The following PCDH15 variants were observed in gnomAD, a reference collection of about 807,000 sequenced individuals.
PCDH15 encodes protocadherin-15.
A neutral mutation model predicts 178.5 loss-of-function variants in PCDH15; 129 were observed. That is an observed-to-expected ratio of 0.72 (90% CI 0.63 to 0.84). The LOEUF (loss-of-function observed/expected upper bound fraction) is 0.84. PCDH15 is among the 40% of genes least tolerant of loss of function. The pLI is 0.00. For missense variants in PCDH15, 2,230 were observed against 2,099.9 expected (o/e 1.06, Z -1.21); for synonymous variants, 800 against 732.0 (o/e 1.09, Z -1.50).
Position 54,134,034 on chromosome 10 carries a change from C to CTTTATTTA in PCDH15, c.1785-1035_1785-1028dup, listed in dbSNP as rs141155149. On this transcript the variant is annotated intron_variant, in intron 14 of 37. Transcript: ENST00000644397. ...ATAATTTCTATTTGGGGATGAGAAT[C>CTTTATTTA]TTTATTTATTTATTTATTTATTTAT... 1.7e-3 allele frequency among the ~76,000 whole-genome samples: 235 copies of CTTTATTTA among 134,408 alleles called. 13 individuals are homozygous for CTTTATTTA. The highest frequency in any genetic ancestry group is 5.3e-3 in the African/African-American group (208 of 38,988). 88.2% of individuals were successfully genotyped at this position (134,408 alleles called of 152,430 possible).
At chr10:54,707,280 A>G (rs1369974186) in intron 1 of PCDH15, among the ~76,000 whole-genome samples, 1 of 152,202 alleles carries the variant, frequency 6.6e-6, no homozygotes, top group Non-Finnish European at 1.5e-5. Flanking sequence ...TTCTTAGGAA[A>G]AATGAGTAGT....
intron 14 of PCDH15, among the ~76,000 whole-genome samples, chr10:54,151,445 G>A (rs906761834): frequency 6.6e-6 from 1 of 152,092 alleles, no homozygotes; most frequent in African/African-American, 2.4e-5. Context: ...TGAGGCTGAG[G>A]TGGGCAGATT....
chr10:55,343,086 G>C (rs1348551979), intron 2 of PCDH15, among the ~76,000 whole-genome samples: 1 of 152,164 alleles, frequency 6.6e-6, no homozygotes, highest in Non-Finnish European at 1.5e-5. Context: ...ACCTGACAAA[G>C]TATCTTCCTG....
At chr10:55,239,125 C>T (rs1200391534) in intron 1 of PCDH15, among the ~76,000 whole-genome samples, 1 of 152,034 alleles carries the variant, frequency 6.6e-6, no homozygotes, top group Non-Finnish European at 1.5e-5. Context: ...TGTCTTTCGG[C>T]TTGTGCTTGG....
intron 21 of PCDH15, among the ~76,000 whole-genome samples, chr10:53,990,984 C>T (rs911399911): frequency 1.3e-5 from 2 of 152,120 alleles, no homozygotes; most frequent in Non-Finnish European, 2.9e-5. Flanking sequence ...GCACTGAGTC[C>T]CCCAGCACTG....
intron 2 of PCDH15, among the ~76,000 whole-genome samples, chr10:55,435,059 T>C (rs1027951831): frequency 1.3e-5 from 2 of 152,154 alleles, no homozygotes; most frequent in Non-Finnish European, 2.9e-5. Context: ...GAGGCAAAGT[T>C]TTAGTCAGGG....
intron 2 of PCDH15, among the ~76,000 whole-genome samples, chr10:54,943,693 A>G (rs886815049): frequency 6.6e-6 from 1 of 151,870 alleles, no homozygotes; most frequent in Non-Finnish European, 1.5e-5. Context: ...CCTTTGTACC[A>G]ATGTCATCCA....
chr10:54,282,045 A>T, intron 8 of PCDH15, among the ~76,000 whole-genome samples: 1 of 152,086 alleles, frequency 6.6e-6, no homozygotes, highest in East Asian at 1.9e-4. Context: ...GCTCTTTGAC[A>T]TTTACTACTA....
At chr10:54,394,089 T>A (rs1251995029) in intron 3 of PCDH15, among the ~76,000 whole-genome samples, 1 of 152,070 alleles carries the variant, frequency 6.6e-6, no homozygotes, top group African/African-American at 2.4e-5. Flanking sequence ...AATATGACCA[T>A]GTTATAAAGA....
chr10:54,772,540 A>G (rs1324202464), intron 1 of PCDH15, among the ~76,000 whole-genome samples: 1 of 152,156 alleles, frequency 6.6e-6, no homozygotes, highest in Non-Finnish European at 1.5e-5. Flanking sequence ...ATCATTAGAT[A>G]AATGCAAATC....
rs562081894 is a variant in PCDH15 at position 54,401,651 on chromosome 10, T to G, written c.158-22709A>C. Among the ~76,000 whole-genome samples the G allele has an allele frequency of 2.0e-5, 3 of 152,000 alleles. No individual in the cohort carries two copies. The East Asian group carries it at 5.8e-4, about 29-fold the overall frequency. On this transcript the variant is annotated intron_variant, in intron 3 of 37. Coordinates refer to ENST00000644397, the MANE Select transcript of PCDH15 (RefSeq NM_001384140.1). ...CAGAAATCTAAACAAAGGTATAATC[T>G]ATATTAATGGATTGTAAAACTCAGT...
At chr10:53,850,964 T>A (rs1343337676) in intron 28 of PCDH15, among the ~76,000 whole-genome samples, 1 of 152,116 alleles carries the variant, frequency 6.6e-6, no homozygotes. Context: ...CTAAGGACTT[T>A]CCATCTCACA....
intron 2 of PCDH15, among the ~76,000 whole-genome samples, chr10:55,494,969 A>C (rs2132132193): frequency 6.6e-6 from 1 of 151,922 alleles, no homozygotes; most frequent in Admixed American, 6.6e-5. Flanking sequence ...AATAAGCCTT[A>C]GTATTTATGG....
chr10:54,541,783 T>C (rs2085260005), intron 2 of PCDH15, among the ~76,000 whole-genome samples: 1 of 152,208 alleles, frequency 6.6e-6, no homozygotes, highest in Non-Finnish European at 1.5e-5. Flanking sequence ...TAATTATTCT[T>C]AATGAGGAGG....
At chr10:54,403,757 A>T (rs1203317813) in intron 3 of PCDH15, among the ~76,000 whole-genome samples, 1 of 151,922 alleles carries the variant, frequency 6.6e-6, no homozygotes, top group African/African-American at 2.4e-5. Context: ...AGGATACAAA[A>T]TCAACGTACA....
At chr10:55,416,244 A>C (rs1838481028) in intron 2 of PCDH15, among the ~76,000 whole-genome samples, 1 of 151,714 alleles carries the variant, frequency 6.6e-6, no homozygotes, top group Non-Finnish European at 1.5e-5. Context: ...CCACAACCCC[A>C]ACAAAACAGA....
chr10:54,927,139 T>C (rs1192589451), intron 2 of PCDH15, among the ~76,000 whole-genome samples: 1 of 152,128 alleles, frequency 6.6e-6, no homozygotes, highest in Non-Finnish European at 1.5e-5. Flanking sequence ...GTGTGTTGTA[T>C]ACTTGTTCTG....
At chr10:54,286,581 G>A (rs965220448) in intron 8 of PCDH15, among the ~76,000 whole-genome samples, 5 of 152,028 alleles carry the variant, frequency 3.3e-5, no homozygotes, top group Non-Finnish European at 1.5e-5. Context: ...TAATGTTTTT[G>A]TTTTTGTTTT....
Position 55,472,553 on chromosome 10 carries a change from A to G in PCDH15, c.-156+155072T>C, listed in dbSNP as rs546708776. Among the ~76,000 whole-genome samples the G allele has an allele frequency of 3.9e-5, 6 of 151,974 alleles. No homozygotes were observed. The South Asian group carries it at 1.2e-3, about 32-fold the overall frequency. The stretch of plus-strand genomic sequence containing the variant: ...CCAACATATACATTTGAAAAGGAGA[A>G]AAAACACATGAACTTTTTTTTGTTG... On this transcript the variant is annotated intron_variant, in intron 2 of 5. Coordinates refer to the PCDH15 transcript ENST00000613346.
Sources: allele counts gnomAD v4.1 joint callset (sites outside exome capture counted in the v4.1 genomes callset), GRCh38; gene constraint gnomAD v4.1.1; transcripts MANE v1.5; gene names NCBI Gene and HGNC (gene_info 2026-07-23, HGNC 2026-07-21).